The following HS1BP3 variants were observed in gnomAD, a reference collection of about 807,000 sequenced individuals.
HS1BP3 encodes the protein HCLS1 binding protein 3, also known as HCLS1-binding protein 3.
A neutral mutation model predicts 33.5 loss-of-function variants in HS1BP3; 32 were observed. That is an observed-to-expected ratio of 0.95 (90% CI 0.72 to 1.28). The LOEUF (loss-of-function observed/expected upper bound fraction) is 1.28, where lower values mean the gene tolerates loss of function less well. HS1BP3 is among the 50% of genes most tolerant of loss of function. HS1BP3 has a pLI of 0.00. For synonymous variants in HS1BP3, 187 were observed against 209.2 expected, an observed-to-expected ratio of 0.89 and a Z score of 0.92; for missense variants, 486 against 502.3, an observed-to-expected ratio of 0.97 and a Z score of 0.31.
At chr2:20,607,131 A>G (rs964607372) in intron 2 of HS1BP3, among the ~76,000 whole-genome samples, 2 of 150,478 alleles carry the variant, frequency 1.3e-5, no homozygotes, top group African/African-American at 4.9e-5. Flanking sequence ...TAATTTTTGC[A>G]TATGGTATGA....
At chr2:20,584,758 T>C (rs905391495) in intron 5 of HS1BP3, among the ~76,000 whole-genome samples, 2 of 152,114 alleles carry the variant, frequency 1.3e-5, no homozygotes, top group Non-Finnish European at 2.9e-5. Context: ...GTGTTTATGC[T>C]CATGGGGCTG....
At chr2:20,585,618 C>T (rs1693661737) in intron 5 of HS1BP3, among the ~76,000 whole-genome samples, 1 of 152,222 alleles carries the variant, frequency 6.6e-6, no homozygotes, top group Admixed American at 6.5e-5. Flanking sequence ...ATCAGATTTC[C>T]TGTTCTAAAA....
chr2:20,579,348 C>T (rs950614399), intron 5 of HS1BP3, among the ~76,000 whole-genome samples: 7 of 152,250 alleles, frequency 4.6e-5, no homozygotes, highest in African/African-American at 1.7e-4. Context: ...GTTAGTGGGC[C>T]GTGAGCCTAC....
chr2:20,575,170 A>G (rs964307519), intron 5 of HS1BP3, among the ~76,000 whole-genome samples: 3 of 152,224 alleles, frequency 2.0e-5, no homozygotes, highest in Non-Finnish European at 4.4e-5. Context: ...AACTTTTGGA[A>G]CAATGGGCTC....
chr2:20,642,229 G>T (rs1481462167), intron 2 of HS1BP3, among the ~76,000 whole-genome samples: 1 of 152,260 alleles, frequency 6.6e-6, no homozygotes, highest in Non-Finnish European at 1.5e-5. Context: ...GCGTGCAGGG[G>T]CTGCGGGCAT....
chr2:20,594,870 C>A (rs1693908425), intron 3 of HS1BP3, among the ~76,000 whole-genome samples: 1 of 152,092 alleles, frequency 6.6e-6, no homozygotes, highest in Non-Finnish European at 1.5e-5. Flanking sequence ...GGGGGTTTTC[C>A]TCAGGTCTCT....
At chr2:20,645,842 A>G (rs1695502798) in intron 1 of HS1BP3, among the ~76,000 whole-genome samples, 1 of 152,240 alleles carries the variant, frequency 6.6e-6, no homozygotes, top group Non-Finnish European at 1.5e-5. Context: ...TAGGGCCTCT[A>G]CTCAGACCAA....
At chr2:20,561,535 C>A (rs148613842) in intron 5 of HS1BP3, among the ~76,000 whole-genome samples, 4 of 152,134 alleles carry the variant, frequency 2.6e-5, no homozygotes, top group Non-Finnish European at 5.9e-5. Flanking sequence ...CACACACATA[C>A]AACCCCTCCC....
At chr2:20,573,454 C>G (rs140013978) in intron 5 of HS1BP3, among the ~76,000 whole-genome samples, 8 of 152,224 alleles carry the variant, frequency 5.3e-5, no homozygotes, top group African/African-American at 2.4e-5. Context: ...ACCCCCCAAG[C>G]CCCTAACTGC....
At chr2:20,597,402 G>A (rs1199532352) in intron 3 of HS1BP3, among the ~76,000 whole-genome samples, 6 of 152,214 alleles carry the variant, frequency 3.9e-5, no homozygotes, top group Non-Finnish European at 5.9e-5. Flanking sequence ...AGCTCCAGGT[G>A]ACATGGGCCT....
intron 2 of HS1BP3, among the ~76,000 whole-genome samples, chr2:20,600,616 G>C (rs192660392): frequency 6.6e-6 from 1 of 152,188 alleles, no homozygotes; most frequent in Admixed American, 6.5e-5. Context: ...TGATGATGCT[G>C]ATTGTATTTT....
chr2:20,625,003 G>T, intron 4 of HS1BP3, 111 bp from the exon 5 acceptor site: 1 of 1,308,546 alleles, frequency 7.6e-7, no homozygotes, highest in Non-Finnish European at 1.1e-6. Context: ...GGATGCCATG[G>T]GCCAGAAAAG....
At chr2:20,587,519 G>A (rs1430707417) in intron 5 of HS1BP3, among the ~76,000 whole-genome samples, 1 of 152,170 alleles carries the variant, frequency 6.6e-6, no homozygotes, top group Non-Finnish European at 1.5e-5. Context: ...GGTTGACGGG[G>A]AGAGGGCAAG....
At chr2:20,598,895 C>A (rs1030180507) in intron 2 of HS1BP3, among the ~76,000 whole-genome samples, 1 of 152,178 alleles carries the variant, frequency 6.6e-6, no homozygotes, top group African/African-American at 2.4e-5. Flanking sequence ...TCTTTATATT[C>A]TTCTTGTAAA....
chr2:20,600,623 T>C (rs915136296), intron 2 of HS1BP3, among the ~76,000 whole-genome samples: 1 of 152,230 alleles, frequency 6.6e-6, no homozygotes, highest in Non-Finnish European at 1.5e-5. Flanking sequence ...GCTGATTGTA[T>C]TTTCTACATT....
chr2:20,570,616 T>C (rs1198878797), intron 5 of HS1BP3, among the ~76,000 whole-genome samples: 1 of 152,166 alleles, frequency 6.6e-6, no homozygotes, highest in African/African-American at 2.4e-5. Context: ...AATTCTAGGA[T>C]GGCCATGGAG....
At chr2:20,574,558 G>A (rs953608028) in intron 5 of HS1BP3, among the ~76,000 whole-genome samples, 1 of 152,180 alleles carries the variant, frequency 6.6e-6, no homozygotes, top group Non-Finnish European at 1.5e-5. Context: ...GAGCCCTGGA[G>A]GGCCAGGGGA....
At chr2:20,590,891 C>A (rs1480970071), downstream of HS1BP3, 1 of 167,356 alleles carries the variant, frequency 6.0e-6, no homozygotes, top group Non-Finnish European at 1.5e-5. Context: ...CTGGACTCTA[C>A]ACAGACTTGT....
At chr2:20,616,043 A>G (rs1694417424), downstream of HS1BP3, among the ~76,000 whole-genome samples, 1 of 152,348 alleles carries the variant, frequency 6.6e-6, no homozygotes, top group East Asian at 1.9e-4. Flanking sequence ...GGAAGGGAGC[A>G]GTGGGACCCC....
Sources: gnomAD v4.1 joint callset for allele counts (sites outside exome capture counted in the v4.1 genomes callset) on GRCh38, gnomAD v4.1.1 for gene constraint, MANE v1.5 for transcripts, NCBI Gene and HGNC (gene_info 2026-07-23, HGNC 2026-07-21) for gene names.